Variants in CTNNA3 observed in about 807,000 individuals in gnomAD.
CTNNA3 encodes catenin alpha 3.
Under a neutral mutation model 95.7 loss-of-function variants are expected in CTNNA3, and 76 were observed. The observed-to-expected ratio is 0.79, with a 90% CI of 0.66 to 0.96. The LOEUF is 0.96. Among genes scored for constraint, CTNNA3 ranks in the 40% least tolerant of loss-of-function variants. CTNNA3 has a pLI of 0.00. For synonymous variants in CTNNA3, 431 were observed against 374.4 expected, an observed-to-expected ratio of 1.15 and a Z score of -1.74; for missense variants, 1,191 against 1,089.8, an observed-to-expected ratio of 1.09 and a Z score of -1.31.
intron 15 of CTNNA3, among the ~76,000 whole-genome samples, chr10:65,994,239 T>G (rs548381498): frequency 1.7e-4 from 26 of 152,328 alleles, no homozygotes; most frequent in African/African-American, 6.3e-4. Context: ...CAGTAAGTTT[T>G]ATACTTTCCT....
At chr10:66,849,358 T>A (rs1391162868) in intron 7 of CTNNA3, among the ~76,000 whole-genome samples, 2 of 152,178 alleles carry the variant, frequency 1.3e-5, no homozygotes, top group African/African-American at 4.8e-5. Flanking sequence ...AATGTGCTTT[T>A]AAATTTTTTC....
intron 3 of CTNNA3, among the ~76,000 whole-genome samples, chr10:67,543,798 T>G (rs760736669): frequency 3.3e-5 from 5 of 152,168 alleles, no homozygotes; most frequent in Non-Finnish European, 7.4e-5. Flanking sequence ...GTTTTATTTG[T>G]TTTTGGTTGG....
chr10:66,191,611 G>A (rs1462813), intron 13 of CTNNA3, among the ~76,000 whole-genome samples: 56,843 of 129,864 alleles, frequency 0.44, 11,194 homozygotes, highest in South Asian at 0.61. Context: ...TGAACTGTAT[G>A]ACTTGAAAAA....
At chr10:67,462,419 T>C (rs1055589699) in intron 5 of CTNNA3, among the ~76,000 whole-genome samples, 3 of 152,176 alleles carry the variant, frequency 2.0e-5, no homozygotes, top group Non-Finnish European at 2.9e-5. Flanking sequence ...TGTAAGTGTG[T>C]TTTTCATTTT....
chr10:66,144,694 G>A (rs959574254), intron 13 of CTNNA3, among the ~76,000 whole-genome samples: 1 of 152,070 alleles, frequency 6.6e-6, no homozygotes, highest in African/African-American at 2.4e-5. Context: ...CTCCATGTTG[G>A]TCAGGCTGGT....
chr10:66,890,193 T>C (rs539154790), intron 7 of CTNNA3, among the ~76,000 whole-genome samples: 10 of 152,230 alleles, frequency 6.6e-5, no homozygotes, highest in South Asian at 2.1e-4. Flanking sequence ...GCAGAATAGA[T>C]AGATAAATGA....
chr10:66,335,571 G>A (rs1197557607), intron 12 of CTNNA3, among the ~76,000 whole-genome samples: 2 of 152,046 alleles, frequency 1.3e-5, no homozygotes, highest in Non-Finnish European at 2.9e-5. Context: ...AAATGTTGCT[G>A]CCTGATTGTT....
intron 11 of CTNNA3, among the ~76,000 whole-genome samples, chr10:66,510,688 T>C (rs1400044087): frequency 6.6e-6 from 1 of 151,880 alleles, no homozygotes; most frequent in Non-Finnish European, 1.5e-5. Flanking sequence ...TGTGATGCAT[T>C]ACATTTATTG....
chr10:67,759,556 T>C (rs1289711798), intron 1 of CTNNA3, among the ~76,000 whole-genome samples: 1 of 152,202 alleles, frequency 6.6e-6, no homozygotes, highest in Non-Finnish European at 1.5e-5. Flanking sequence ...AATTGTGTGG[T>C]AGGCAAAAAT....
chr10:66,665,483 T>G (rs1846419867), intron 9 of CTNNA3, among the ~76,000 whole-genome samples: 1 of 152,232 alleles, frequency 6.6e-6, no homozygotes, highest in Admixed American at 6.5e-5. Flanking sequence ...TCTCTGTCTT[T>G]GTATTCTTTT....
intron 7 of CTNNA3, among the ~76,000 whole-genome samples, chr10:67,151,114 T>A (rs1564926250): frequency 6.6e-6 from 1 of 152,072 alleles, no homozygotes; most frequent in Non-Finnish European, 1.5e-5. Context: ...ACTTTAAAAA[T>A]TTTTTTTCAA....
At chr10:66,222,672 G>T (rs2089025010) in intron 13 of CTNNA3, among the ~76,000 whole-genome samples, 1 of 149,972 alleles carries the variant, frequency 6.7e-6, no homozygotes, top group East Asian at 2.0e-4. Context: ...AGGAAGGGAG[G>T]GATGGAGGAA....
At chr10:66,439,175 T>C (rs1448590705) in intron 11 of CTNNA3, among the ~76,000 whole-genome samples, 1 of 152,182 alleles carries the variant, frequency 6.6e-6, no homozygotes, top group Non-Finnish European at 1.5e-5. Context: ...ATTTTTAATA[T>C]AATGGTTGTA....
At chr10:67,392,612 T>A (rs1478836775) in intron 5 of CTNNA3, among the ~76,000 whole-genome samples, 2 of 152,168 alleles carry the variant, frequency 1.3e-5, no homozygotes, top group African/African-American at 2.4e-5. Flanking sequence ...CACACGTATG[T>A]TTATTGCGGC....
intron 7 of CTNNA3, among the ~76,000 whole-genome samples, chr10:67,139,050 G>A (rs535738824): frequency 6.6e-6 from 1 of 152,120 alleles, no homozygotes; most frequent in Non-Finnish European, 1.5e-5. Context: ...GCTACAGTGT[G>A]AAAATAAAAG....
intron 11 of CTNNA3, among the ~76,000 whole-genome samples, chr10:66,477,407 C>T (rs1299323759): frequency 6.6e-6 from 1 of 151,970 alleles, no homozygotes; most frequent in Admixed American, 6.6e-5. Context: ...CAGAATCTGG[C>T]TTAGAGGAAG....
In CTNNA3 at chr10:67,121,538, C is replaced by T. The variant is rs188262809; in HGVS notation, c.1047+58779G>A. On this transcript the variant is annotated intron_variant, in intron 7 of 17. Transcript: ENST00000433211. ...TAGATTCATTCCTCTAAGATAATGGCTGCAAGATAAACTACTTTAGTTGAA... is the reference window on the plus strand; with the variant it reads ...TAGATTCATTCCTCTAAGATAATGGTTGCAAGATAAACTACTTTAGTTGAA... Among the ~76,000 whole-genome samples, 80 of 152,128 alleles carry T rather than the reference C, an allele frequency of 5.3e-4. No individual in the cohort carries two copies. The Middle Eastern group carries it at 0.014, about 26-fold the overall frequency.
chr10:66,333,755 C>T (rs965224211), intron 12 of CTNNA3, among the ~76,000 whole-genome samples: 1 of 151,310 alleles, frequency 6.6e-6, no homozygotes, highest in Non-Finnish European at 1.5e-5. Context: ...CTGCTTGGTG[C>T]AGAGCTGAGT....
chr10:66,276,165 T>C (rs1464474294), intron 13 of CTNNA3, among the ~76,000 whole-genome samples: 1 of 152,062 alleles, frequency 6.6e-6, no homozygotes, highest in African/African-American at 2.4e-5. Context: ...ATATATAGAG[T>C]TAGAAAACTG....
Sources: gnomAD v4.1 joint callset for allele counts (sites outside exome capture counted in the v4.1 genomes callset) on GRCh38, gnomAD v4.1.1 for gene constraint, MANE v1.5 for transcripts, NCBI Gene and HGNC (gene_info 2026-07-23, HGNC 2026-07-21) for gene names.